DMD: variants seen among roughly 807,000 people sequenced by gnomAD.
The protein encoded by DMD is dystrophin.
In DMD, 63 loss-of-function variants were observed where a neutral mutation model predicts 330.1. The ratio of observed to expected loss-of-function variants is 0.19; its 90% CI spans 0.16 to 0.24. The LOEUF (loss-of-function observed/expected upper bound fraction) is 0.24, where lower values mean the gene tolerates loss of function less well. Ranked by LOEUF, DMD falls within the 10% of genes least tolerant of loss-of-function variation. The pLI, the probability that DMD is intolerant of heterozygous loss-of-function variation, is 1.00. For synonymous variants in DMD, 1,223 were observed against 959.8 expected (o/e 1.27, Z -5.07); for missense variants, 3,344 against 2,684.1 (o/e 1.25, Z -5.43).
At chrX:31,362,555 C>T (rs1421674344) in intron 60 of DMD, among the ~76,000 whole-genome samples, 1 of 112,784 alleles carries the variant, frequency 8.9e-6, no homozygotes, top group African/African-American at 3.2e-5. Context: ...CAAAACACTT[C>T]TGGTCCCAAG....
chrX:31,255,347 G>C (rs183547958), intron 63 of DMD, among the ~76,000 whole-genome samples: 7 of 111,236 alleles, frequency 6.3e-5, no homozygotes, highest in Admixed American at 1.9e-4. Flanking sequence ...CTAACCTATT[G>C]GAACAGTCTT....
At chrX:31,481,413 T>C (rs1333065048) in intron 57 of DMD, among the ~76,000 whole-genome samples, 3 of 111,889 alleles carry the variant, frequency 2.7e-5, no homozygotes, top group Non-Finnish European at 5.6e-5. Flanking sequence ...TTATGAGGAT[T>C]TGACTCAGGG....
chrX:31,780,138 A>G (rs12164359), intron 50 of DMD, among the ~76,000 whole-genome samples: 26,433 of 111,078 alleles, frequency 0.24, 2,274 homozygotes, highest in East Asian at 0.26. Flanking sequence ...GAGCTACTAA[A>G]TCTTTTAAAA....
intron 7 of DMD, among the ~76,000 whole-genome samples, chrX:32,734,364 A>G (rs1223648613): frequency 1.0e-5 from 1 of 96,623 alleles, no homozygotes; most frequent in Non-Finnish European, 2.0e-5. Context: ...ATTCCTTCTG[A>G]AACTATTCCA....
chrX:33,254,666 T>A (rs2052826085), intron 1 of DMD, among the ~76,000 whole-genome samples: 1 of 110,602 alleles, frequency 9.0e-6, no homozygotes, highest in South Asian at 3.7e-4. Flanking sequence ...AAAATGTAAA[T>A]CTTATACAGA....
intron 23 of DMD, among the ~76,000 whole-genome samples, chrX:32,466,051 C>G (rs986133932): frequency 2.0e-4 from 22 of 111,065 alleles, no homozygotes; most frequent in Non-Finnish European, 2.8e-4. Flanking sequence ...TATTATTTCC[C>G]TCTTTAACCA....
At chrX:32,920,252 C>T (rs5928114) in intron 2 of DMD, among the ~76,000 whole-genome samples, 5,562 of 111,370 alleles carry the variant, frequency 0.05, 115 homozygotes, top group African/African-American at 0.082. Flanking sequence ...AATTCACTTC[C>T]TTGAAAGTTA....
At chrX:32,793,690 C>A (rs2075984072) in intron 7 of DMD, among the ~76,000 whole-genome samples, 1 of 111,642 alleles carries the variant, frequency 9.0e-6, no homozygotes. Flanking sequence ...ACACATACAA[C>A]CAACCGTGGA....
At chrX:31,724,048 G>A (rs1304375685) in intron 52 of DMD, among the ~76,000 whole-genome samples, 2 of 112,138 alleles carry the variant, frequency 1.8e-5, no homozygotes, top group South Asian at 3.7e-4. Flanking sequence ...GCATTCAAAC[G>A]TTCGCTGAAC....
At chrX:31,138,642 A>G (rs1473254926) in intron 76 of DMD, among the ~76,000 whole-genome samples, 15 of 8,352 alleles carry the variant, frequency 1.8e-3, no homozygotes, top group African/African-American at 4.1e-3. Flanking sequence ...AGAGAGAGAG[A>G]GAGAGAGAGA....
intron 52 of DMD, among the ~76,000 whole-genome samples, chrX:31,723,028 T>C (rs2148979131): frequency 9.4e-6 from 1 of 105,963 alleles, no homozygotes; most frequent in South Asian, 4.5e-4. Context: ...GCCTGGGCAA[T>C]GGAGCAGGAC....
chrX:32,658,609 G>A (rs1250656308), intron 9 of DMD, among the ~76,000 whole-genome samples: 1 of 110,932 alleles, frequency 9.0e-6, no homozygotes, highest in Non-Finnish European at 1.9e-5. Context: ...TAATTTCTCT[G>A]AACTTCTCAC....
chrX:32,356,126 T>C (rs1044271524), intron 37 of DMD, among the ~76,000 whole-genome samples: 1 of 110,270 alleles, frequency 9.1e-6, no homozygotes. Context: ...ACCTTCTAGA[T>C]CACATTTATA....
chrX:33,128,727 C>T (rs2095479730), intron 1 of DMD, among the ~76,000 whole-genome samples: 1 of 112,056 alleles, frequency 8.9e-6, no homozygotes, highest in Non-Finnish European at 1.9e-5. Flanking sequence ...AAAGAAGAGA[C>T]TGGACCTATA....
intron 59 of DMD, among the ~76,000 whole-genome samples, chrX:31,450,511 A>G (rs7058567): frequency 0.051 from 5,686 of 112,326 alleles, 310 homozygotes; most frequent in African/African-American, 0.16. Flanking sequence ...CAAGCCCTTC[A>G]TGAAATGTAT....
intron 7 of DMD, among the ~76,000 whole-genome samples, chrX:32,731,672 G>A (rs2067680160): frequency 9.0e-6 from 1 of 111,483 alleles, no homozygotes; most frequent in African/African-American, 3.3e-5. Context: ...CACACGGCAG[G>A]GTACTCCAAC....
intron 51 of DMD, among the ~76,000 whole-genome samples, chrX:31,742,304 G>A (rs113557718): frequency 8.9e-5 from 10 of 112,867 alleles, no homozygotes; most frequent in African/African-American, 3.2e-4. Flanking sequence ...ACTGGCACAA[G>A]AGGTCTGGCT....
Position 32,644,154 on chromosome X carries a change from C to T in DMD, c.1309G>A (p.Ala437Thr), listed in dbSNP as rs748964279. The T allele has an allele frequency of 2.5e-6, 3 of 1,208,526 alleles. No homozygotes were observed. The highest frequency in any genetic ancestry group is 3.4e-6 in the Non-Finnish European group (3 of 893,719). ...LNSRWECLRV[A>T]SMEKQSNLHR... is the part of the protein sequence containing the mutation. The stretch of plus-strand genomic sequence containing the variant: ...TACTTGCTTTGTTTTTCCATGCTAG[C>T]TACCCTGAGGCATTCCCATCTTGAA... The change falls in exon 11 of 79, where the codon GCT (alanine) becomes ACT (threonine). Residue 437 changes from alanine (A) to threonine (T), a missense_variant. Coordinates refer to ENST00000357033, the MANE Select transcript of DMD (RefSeq NM_004006.3).
At chrX:32,027,972 T>G (rs773856709) in intron 44 of DMD, among the ~76,000 whole-genome samples, 1 of 111,947 alleles carries the variant, frequency 8.9e-6, no homozygotes, top group African/African-American at 3.2e-5. Context: ...CATATTTGCA[T>G]TAATAAAAGT....
Sources: allele counts gnomAD v4.1 joint callset (sites outside exome capture counted in the v4.1 genomes callset), GRCh38; gene constraint gnomAD v4.1.1; transcripts MANE v1.5; gene names NCBI Gene and HGNC (gene_info 2026-07-23, HGNC 2026-07-21).